The following PTPRR variants were observed in gnomAD, a reference collection of about 807,000 sequenced individuals.
The protein encoded by PTPRR is receptor-type tyrosine-protein phosphatase R.
A neutral mutation model predicts 77.2 loss-of-function variants in PTPRR; 38 were observed. The ratio of observed to expected loss-of-function variants is 0.49; its 90% CI spans 0.38 to 0.65. The LOEUF is 0.65. Among genes scored for constraint, PTPRR ranks in the 30% least tolerant of loss-of-function variants. The pLI, the probability that PTPRR is intolerant of heterozygous loss-of-function variation, is 0.00. For missense variants in PTPRR, 744 were observed against 799.2 expected (o/e 0.93, Z 0.83); for synonymous variants, 299 against 283.1 (o/e 1.06, Z -0.57).
At chr12:70,816,344 A>T (rs1409077833) in intron 2 of PTPRR, among the ~76,000 whole-genome samples, 1 of 152,112 alleles carries the variant, frequency 6.6e-6, no homozygotes, top group East Asian at 1.9e-4. Context: ...AGGTCTATGT[A>T]CTATAGTAGT....
intron 2 of PTPRR, among the ~76,000 whole-genome samples, chr12:70,811,717 C>G (rs1395374364): frequency 6.6e-6 from 1 of 152,202 alleles, no homozygotes; most frequent in Non-Finnish European, 1.5e-5. Flanking sequence ...TTCCCACACC[C>G]TGATGCAGTA....
At chr12:70,728,321 G>T (rs1592710598) in intron 6 of PTPRR, among the ~76,000 whole-genome samples, 1 of 110,424 alleles carries the variant, frequency 9.1e-6, no homozygotes, top group African/African-American at 3.5e-5. Context: ...TCTGTCTCTA[G>T]ATATATATAT....
chr12:70,663,372 A>T (rs961710039), intron 10 of PTPRR, among the ~76,000 whole-genome samples: 3 of 152,234 alleles, frequency 2.0e-5, no homozygotes, highest in African/African-American at 7.2e-5. Context: ...TGAATCCACG[A>T]ACAAGATACT....
At chr12:70,701,405 A>G (rs1888420846) in intron 6 of PTPRR, 82 bp from the exon 7 acceptor site, 2 of 1,218,574 alleles carry the variant, frequency 1.6e-6, no homozygotes, top group Admixed American at 2.1e-5. Context: ...CATGCACACA[A>G]TTCAGTGAGA....
intron 2 of PTPRR, among the ~76,000 whole-genome samples, chr12:70,811,362 A>T (rs974571331): frequency 3.9e-5 from 6 of 152,202 alleles, no homozygotes; most frequent in African/African-American, 1.4e-4. Flanking sequence ...GCAAATGAAG[A>T]CAGACATGAT....
intron 10 of PTPRR, among the ~76,000 whole-genome samples, chr12:70,665,007 T>C (rs1886934583): frequency 6.6e-6 from 1 of 152,146 alleles, no homozygotes; most frequent in Non-Finnish European, 1.5e-5. Context: ...TTCTTTATTG[T>C]GGTGCTAACA....
chr12:70,831,678 T>C (rs1337145118), intron 2 of PTPRR, among the ~76,000 whole-genome samples: 1 of 152,210 alleles, frequency 6.6e-6, no homozygotes, highest in Non-Finnish European at 1.5e-5. Flanking sequence ...TGAGGACAGA[T>C]GGCAAGCTAT....
intron 2 of PTPRR, among the ~76,000 whole-genome samples, chr12:70,857,007 C>G (rs1892663674): frequency 6.6e-6 from 1 of 152,016 alleles, no homozygotes; most frequent in Non-Finnish European, 1.5e-5. Context: ...TTTGAGTTAC[C>G]TGTGTAGCAT....
intron 2 of PTPRR, among the ~76,000 whole-genome samples, chr12:70,851,546 C>T (rs1892571651): frequency 1.3e-5 from 2 of 151,926 alleles, no homozygotes; most frequent in African/African-American, 2.4e-5. Context: ...CTTGTTTCTG[C>T]AATCTGAAAA....
At chr12:70,856,180 C>T (rs929588695) in intron 2 of PTPRR, among the ~76,000 whole-genome samples, 1 of 152,174 alleles carries the variant, frequency 6.6e-6, no homozygotes, top group Non-Finnish European at 1.5e-5. Flanking sequence ...CCATCCACTA[C>T]ACCAAGCTCT....
chr12:70,660,916 CAGAA>C lies in PTPRR; in HGVS notation c.1766+20_1766+23del. ...TACAAAGAATGGGCCATTGCTTAGA[CAGAA>C]AGGACCATACACGTCTTACCTGCAG... On this transcript the variant is annotated intron_variant, in intron 12 of 13. Transcript: ENST00000283228. 6.3e-7 allele frequency: 1 copy of C among 1,593,544 alleles called. No individual in the cohort carries two copies. The highest frequency in any genetic ancestry group is 8.5e-7 in the Non-Finnish European group (1 of 1,171,768).
intron 2 of PTPRR, among the ~76,000 whole-genome samples, chr12:70,806,298 A>G (rs909677761): frequency 3.9e-5 from 6 of 152,210 alleles, no homozygotes; most frequent in Non-Finnish European, 8.8e-5. Flanking sequence ...CAGCATTTCA[A>G]TAGAACCCAC....
At chr12:70,647,188 A>G (rs1362837548) in intron 13 of PTPRR, among the ~76,000 whole-genome samples, 8 of 152,110 alleles carry the variant, frequency 5.3e-5, no homozygotes, top group Admixed American at 4.6e-4. Flanking sequence ...GAAAAAAAAG[A>G]GGAAAAAAAA....
rs532549107 is a variant in PTPRR, at chr12:70,651,594, C to T, written c.1880+5110G>A. 9.9e-5 allele frequency among the ~76,000 whole-genome samples: 15 copies of T among 152,218 alleles called. No individual in the cohort carries two copies. The South Asian group carries it at 2.5e-3, about 25-fold the overall frequency. ...AACTGTTTTAAAAATTATGGTGTCC[C>T]GTTGTCATTGCATTTTGTTTTTAAG... On this transcript the variant is annotated intron_variant, in intron 13 of 13. Coordinates refer to ENST00000283228, the MANE Select transcript of PTPRR (RefSeq NM_002849.4).
At chr12:70,655,803 T>C (rs558394474) in intron 13 of PTPRR, among the ~76,000 whole-genome samples, 28 of 152,338 alleles carry the variant, frequency 1.8e-4, no homozygotes, top group Admixed American at 2.6e-4. Context: ...ATTCCAGAGA[T>C]TGGTTGTACA....
intron 2 of PTPRR, among the ~76,000 whole-genome samples, chr12:70,831,500 A>G (rs1892212463): frequency 1.3e-5 from 2 of 152,200 alleles, no homozygotes; most frequent in South Asian, 4.1e-4. Context: ...CAGCAGGTGG[A>G]GAAGACATAA....
chr12:70,659,876 T>C (rs1025173691), intron 12 of PTPRR, among the ~76,000 whole-genome samples: 4 of 151,966 alleles, frequency 2.6e-5, no homozygotes, highest in African/African-American at 9.7e-5. Context: ...TGAGAAAGCA[T>C]GAAGAATAAA....
In PTPRR at chr12:70,920,399, C is replaced by T. The variant is rs1418272967; in HGVS notation, c.-9G>A. 23 of 1,612,028 alleles carry T rather than the reference C, an allele frequency of 1.4e-5. No individual in the cohort carries two copies. The highest frequency in any genetic ancestry group is 1.9e-5 in the Non-Finnish European group (22 of 1,179,190). Reference sequence around the variant, plus strand: ...CAGACTGCTCTCCGCATAGTGTTTGCATTGAGAGGTGGAGGAGAAACTCCA... The same window carrying T: ...CAGACTGCTCTCCGCATAGTGTTTGTATTGAGAGGTGGAGGAGAAACTCCA... On this transcript the variant is annotated 5_prime_UTR_variant, in exon 1 of 14. The change abolishes an upstream ATG in the 5' untranslated region. Transcript: ENST00000283228.
chr12:70,914,176 A>C (rs1015166093), intron 1 of PTPRR, among the ~76,000 whole-genome samples: 2 of 152,202 alleles, frequency 1.3e-5, no homozygotes, highest in African/African-American at 4.8e-5. Flanking sequence ...ACAGTATGTG[A>C]AATGATTCAA....
Sources: allele counts gnomAD v4.1 joint callset (sites outside exome capture counted in the v4.1 genomes callset), GRCh38; gene constraint gnomAD v4.1.1; transcripts MANE v1.5; gene names NCBI Gene and HGNC (gene_info 2026-07-23, HGNC 2026-07-21).